The following NLRP9 variants were observed in gnomAD, a reference collection of about 807,000 sequenced individuals.
The protein encoded by NLRP9 is NLR family pyrin domain containing 9.
Under a neutral mutation model 83.1 loss-of-function variants are expected in NLRP9, and 88 were observed. That is an observed-to-expected ratio of 1.06 (90% CI 0.89 to 1.26). The LOEUF (loss-of-function observed/expected upper bound fraction) is 1.26, where lower values mean the gene tolerates loss of function less well. Among genes scored for constraint, NLRP9 ranks in the 50% most tolerant of loss-of-function variants. The probability of loss-of-function intolerance (pLI) is 0.00; values close to 1 mark genes in which losing one functional copy is unlikely to be tolerated. For missense variants in NLRP9, 1,308 were observed against 1,179.3 expected (o/e 1.11, Z -1.60); for synonymous variants, 521 against 447.6 (o/e 1.16, Z -2.07).
At chr19:55,716,650 C>A in intron 5 of NLRP9, 78 bp downstream of exon 5, 1 of 1,215,688 alleles carries the variant, frequency 8.2e-7, no homozygotes, top group South Asian at 1.3e-5. Flanking sequence ...TCAGTGAGCA[C>A]CGCGTTGCTT....
chr19:55,718,086 G>A (rs1469670381), intron 4 of NLRP9, among the ~76,000 whole-genome samples: 1 of 152,254 alleles, frequency 6.6e-6, no homozygotes, highest in East Asian at 1.9e-4. Context: ...ATTTAGGGCT[G>A]TGCAGCATGT....
In NLRP9 at chr19:55,732,116, A is replaced by G. The variant is rs757584052; in HGVS notation, c.1715T>C (p.Ile572Thr). The G allele has an allele frequency of 6.2e-7, 1 of 1,612,832 alleles. No individual in the cohort carries two copies. The highest frequency in any genetic ancestry group is 1.7e-5 in the Admixed American group (1 of 59,780). ...TATTACCAAATGTTCTATGTTACCA[A>G]TATAAATGAAAACTTCTTCAAAGAA... ...MNFFEEVFIY[I>T]GNIEHLVIAS... is the part of the protein sequence containing the mutation. Residue 572 changes from isoleucine (I) to threonine (T), a missense_variant, in exon 2 of 9, where the codon ATT (isoleucine) becomes ACT (threonine). Transcript: ENST00000332836.
chr19:55,714,533 T>G (rs778244818), intron 6 of NLRP9, among the ~76,000 whole-genome samples: 5 of 151,828 alleles, frequency 3.3e-5, no homozygotes, highest in African/African-American at 4.8e-5. Flanking sequence ...TTACAACTCC[T>G]TCCCACTGAA....
At chr19:55,724,738 C>A (rs1241000918) in intron 3 of NLRP9, among the ~76,000 whole-genome samples, 10 of 152,050 alleles carry the variant, frequency 6.6e-5, no homozygotes, top group Admixed American at 6.6e-4. Flanking sequence ...GTGGCCCAGT[C>A]TCTTCATGAA....
At chr19:55,713,623 A>ACTCCCCTCCTCCTCCT (rs1987874652) in intron 6 of NLRP9, among the ~76,000 whole-genome samples, 1 of 3,690 alleles carries the variant, frequency 2.7e-4, no homozygotes, top group Non-Finnish European at 4.9e-4. Flanking sequence ...TCTCCCTCTT[A>ACTCCCCTCCTCCTCCT]CTCCCCTCCT....
Position 55,738,379 on chromosome 19 carries a change from C to T in NLRP9, c.-5G>A. The T allele has an allele frequency of 6.2e-7, 1 of 1,610,778 alleles. No homozygotes were observed. The highest frequency in any genetic ancestry group is 8.5e-7 in the Non-Finnish European group (1 of 1,179,090). On this transcript the variant is annotated 5_prime_UTR_variant, in exon 1 of 9. Transcript: ENST00000332836. ...CGAAAAAAAAGATTCTGCCATATCGCCCCAGGATTGTGAACTGAGGTGTCT... is the reference window on the plus strand; with the variant it reads ...CGAAAAAAAAGATTCTGCCATATCGTCCCAGGATTGTGAACTGAGGTGTCT...
chr19:55,728,974 G>T (rs145823893), intron 3 of NLRP9, among the ~76,000 whole-genome samples: 1 of 147,564 alleles, frequency 6.8e-6, no homozygotes, highest in East Asian at 2.0e-4. Context: ...AGGATTAAAA[G>T]AAACGGAAGA....
chr19:55,710,117 A>G (rs1160751489), intron 8 of NLRP9, among the ~76,000 whole-genome samples: 2 of 152,184 alleles, frequency 1.3e-5, no homozygotes, highest in Admixed American at 6.6e-5. Context: ...CTACAGCGAC[A>G]CTATGAGAAA....
At chr19:55,719,396 G>A (rs1306397101) in intron 4 of NLRP9, among the ~76,000 whole-genome samples, 1 of 152,114 alleles carries the variant, frequency 6.6e-6, no homozygotes, top group East Asian at 1.9e-4. Context: ...CAAGTGATCT[G>A]CCCGCCTCGG....
Position 55,708,809 on chromosome 19 carries a change from C to T in NLRP9, c.*103G>A, listed in dbSNP as rs1252626241. The T allele has an allele frequency of 2.7e-6, 2 of 747,644 alleles. No homozygotes were observed. Among genetic ancestry groups the T allele is most frequent in the Non-Finnish European group, 4.2e-6 (2 of 473,778 alleles). The allele number at this position is 747,644 out of a possible 1,614,324, so 46.3% of individuals were successfully genotyped here. The stretch of plus-strand genomic sequence containing the variant: ...TTAGGGAGTACCTCTGAAATCACAG[C>T]CCTGCTGCCATGATGTGCAATTACA... On this transcript the variant is annotated 3_prime_UTR_variant, in exon 9 of 9. Coordinates refer to ENST00000332836, the MANE Select transcript of NLRP9 (RefSeq NM_176820.4).
rs575510706 is a variant in NLRP9, at chr19:55,718,278, G to A, written c.2160-1380C>T. The stretch of plus-strand genomic sequence containing the variant: ...GCCTGAGATATGGCCTCATGGGAAA[G>A]GAAAGACTTTACCATCCCCCAACCC... On this transcript the variant is annotated intron_variant, in intron 4 of 8. Coordinates refer to ENST00000332836, the MANE Select transcript of NLRP9 (RefSeq NM_176820.4). Among the ~76,000 whole-genome samples the A allele has an allele frequency of 1.1e-4, 17 of 152,268 alleles. No individual in the cohort carries two copies. The East Asian group carries it at 2.7e-3, about 24-fold the overall frequency.
At chr19:55,712,391 TC>T in intron 7 of NLRP9, 28 bp downstream of exon 7, 1 of 1,576,176 alleles carries the variant, frequency 6.3e-7, no homozygotes, top group Non-Finnish European at 8.7e-7. Context: ...AGATAAATTT[TC>T]CTACGATGGT....
chr19:55,729,862 C>T lies in NLRP9; in HGVS notation c.1963G>A (p.Ala655Thr). ...TTTCGGAGTTTACAAACAGGCTGAG[C>T]CAGCGCTTTGCAAAGAATCGCCAGG... The part of the protein sequence containing the change: ...PSLAILCKAL[A>T]QPVCKLRKLI... Residue 655 changes from alanine (A) to threonine (T), a missense_variant, in exon 3 of 9, where the codon GCT (alanine) becomes ACT (threonine). Coordinates refer to ENST00000332836, the MANE Select transcript of NLRP9 (RefSeq NM_176820.4). The T allele has an allele frequency of 6.2e-7, 1 of 1,613,618 alleles. No homozygotes were observed. Among genetic ancestry groups the T allele is most frequent in the East Asian group, 2.2e-5 (1 of 44,888 alleles).
chr19:55,714,957 A>C, intron 6 of NLRP9, 98 bp downstream of exon 6: 1 of 1,176,250 alleles, frequency 8.5e-7, no homozygotes, highest in South Asian at 1.5e-5. Context: ...GGACATATAC[A>C]TTCAGATGCT....
rs757771507 is a variant in NLRP9 at position 55,716,748 on chromosome 19, G to A, written c.2310C>T (p.His770=). The A allele has an allele frequency of 2.5e-6, 4 of 1,613,844 alleles. No individual in the cohort carries two copies. Among genetic ancestry groups the A allele is most frequent in the Non-Finnish European group, 3.4e-6 (4 of 1,179,860 alleles). Reference sequence around the variant, plus strand: ...CTTACATCAGCCTCTCCAGGGCACAGTGTGAGTGCTTCAGGGCTTCACACA... The same window carrying A: ...CTTACATCAGCCTCTCCAGGGCACAATGTGAGTGCTTCAGGGCTTCACACA... ...TLLCEALKHS[H]CALERLMLMY... Residue 770 remains histidine, a synonymous_variant, in exon 5 of 9, where the codon CAC becomes CAT. Coordinates refer to ENST00000332836, the MANE Select transcript of NLRP9 (RefSeq NM_176820.4).
chr19:55,734,568 C>T (rs1490821466), intron 1 of NLRP9, among the ~76,000 whole-genome samples: 2 of 147,896 alleles, frequency 1.4e-5, no homozygotes, highest in Non-Finnish European at 3.0e-5. Flanking sequence ...CACATATATA[C>T]ACACATATAC....
At chr19:55,710,476 T>C (rs538733911) in intron 8 of NLRP9, among the ~76,000 whole-genome samples, 1 of 152,256 alleles carries the variant, frequency 6.6e-6, no homozygotes, top group African/African-American at 2.4e-5. Context: ...TCATATTTAA[T>C]TGTAATCCCC....
chr19:55,733,919 A>ATTTTTTTTTTTTTTTTTTTT (rs765779528), intron 1 of NLRP9, among the ~76,000 whole-genome samples: 12 of 117,866 alleles, frequency 1.0e-4, no homozygotes, highest in African/African-American at 3.9e-4. Context: ...TGTCAACCAA[A>ATTTTTTTTTTTTTTTTTTTT]TTTTTTTTTT....
At chr19:55,710,561 C>G (rs1458765046) in intron 8 of NLRP9, among the ~76,000 whole-genome samples, 1 of 152,110 alleles carries the variant, frequency 6.6e-6, no homozygotes, top group Non-Finnish European at 1.5e-5. Context: ...TGAGCACCAT[C>G]CCTTTGGTGC....
Sources: gnomAD v4.1 joint callset for allele counts (sites outside exome capture counted in the v4.1 genomes callset) on GRCh38, gnomAD v4.1.1 for gene constraint, MANE v1.5 for transcripts, NCBI Gene and HGNC (gene_info 2026-07-23, HGNC 2026-07-21) for gene names.